CD8B: variants seen among roughly 807,000 people sequenced by gnomAD.
CD8B encodes T-cell surface glycoprotein CD8 beta chain.
A neutral mutation model predicts 24.2 loss-of-function variants in CD8B; 6 were observed. That is an observed-to-expected ratio of 0.25 (90% confidence interval 0.14 to 0.49). The LOEUF (loss-of-function observed/expected upper bound fraction) is 0.49. CD8B is among the 20% of genes least tolerant of loss of function. The pLI is 0.98. For missense variants in CD8B, 196 were observed against 271.3 expected, an observed-to-expected ratio of 0.72 and a Z score of 1.95; for synonymous variants, 84 against 108.3, an observed-to-expected ratio of 0.78 and a Z score of 1.39.
chr2:86,828,772 T>C (rs1674788716), intron 5 of CD8B, among the ~76,000 whole-genome samples: 1 of 152,206 alleles, frequency 6.6e-6, no homozygotes, highest in Non-Finnish European at 1.5e-5. Flanking sequence ...CCTCCAAAGA[T>C]GCAACCAGCA....
At chr2:86,851,660 G>T (rs1308788930) in intron 3 of CD8B, among the ~76,000 whole-genome samples, 2 of 152,182 alleles carry the variant, frequency 1.3e-5, no homozygotes, top group Non-Finnish European at 2.9e-5. Context: ...AAAGCAAACT[G>T]AGCAGTGCGA....
chr2:86,847,840 A>G (rs1675761829), intron 3 of CD8B, among the ~76,000 whole-genome samples: 1 of 152,232 alleles, frequency 6.6e-6, no homozygotes, highest in African/African-American at 2.4e-5. Context: ...TGCTGGGATT[A>G]CAGGTGTGAG....
chr2:86,851,896 G>A (rs976714445), intron 3 of CD8B, among the ~76,000 whole-genome samples: 5 of 152,216 alleles, frequency 3.3e-5, no homozygotes, highest in Admixed American at 3.3e-4. Context: ...AGAAGCAAAT[G>A]TGTTCATTTG....
chr2:86,860,322 A>G (rs1478602070), intron 1 of CD8B, among the ~76,000 whole-genome samples: 1 of 152,190 alleles, frequency 6.6e-6, no homozygotes, highest in Non-Finnish European at 1.5e-5. Context: ...CAAGAAGGAA[A>G]TGATGCCTGG....
intron 5 of CD8B, among the ~76,000 whole-genome samples, chr2:86,825,878 A>C (rs904926759): frequency 2.0e-5 from 3 of 152,218 alleles, no homozygotes; most frequent in Admixed American, 1.3e-4. Context: ...CTGCATGCTC[A>C]ACATGGTGTC....
intron 5 of CD8B, chr2:86,833,006 T>C: frequency 3.0e-6 from 1 of 335,248 alleles, no homozygotes; most frequent in Admixed American, 3.4e-5. Context: ...TCTCCTCTTC[T>C]CTCTCTCCCT....
chr2:86,848,701 A>ATTAATTATTTATTTATTTAATTTAT lies in CD8B; in HGVS notation c.494-1929_494-1928insATAAATTAAATAAATAAATAATTAA, dbSNP rs58311096. On this transcript the variant is annotated intron_variant, in intron 3 of 5. Coordinates refer to ENST00000390655, the MANE Select transcript of CD8B (RefSeq NM_004931.5). ...GGAAGAAAGGTATTGGTATTTTTAA[A>ATTAATTATTTATTTATTTAATTTAT]TTATTTATTTATTTATTTATTTATT... 8.5e-5 allele frequency among the ~76,000 whole-genome samples: 5 copies of ATTAATTATTTATTTATTTAATTTAT among 58,882 alleles called. 1 individual carries two copies. The East Asian group carries it at 2.5e-3, about 29-fold the overall frequency. 38.6% of individuals were successfully genotyped at this position (58,882 alleles called of 152,430 possible).
rs906300634 is a variant in CD8B, at chr2:86,840,491, A to G, written c.*1816T>C. 6.6e-6 allele frequency among the ~76,000 whole-genome samples: 1 copy of G among 152,220 alleles called. No homozygotes were observed. Among genetic ancestry groups the G allele is most frequent in the African/African-American group, 2.4e-5 (1 of 41,458 alleles). ...AAGCACGGGCCATCCCTTCATCCGC[A>G]TAGGGCGTCAATTCACCTCAGCCTT... On this transcript the variant is annotated 3_prime_UTR_variant, in exon 6 of 6. Coordinates refer to ENST00000390655, the MANE Select transcript of CD8B (RefSeq NM_004931.5).
chr2:86,827,504 G>A (rs888268948), intron 5 of CD8B, among the ~76,000 whole-genome samples: 10 of 151,860 alleles, frequency 6.6e-5, no homozygotes, highest in Admixed American at 6.6e-4. Flanking sequence ...TGTGCCTGTG[G>A]TCCCAGCTAC....
chr2:86,827,440 A>G (rs1424580817), intron 5 of CD8B, among the ~76,000 whole-genome samples: 2 of 151,938 alleles, frequency 1.3e-5, no homozygotes, highest in Non-Finnish European at 2.9e-5. Flanking sequence ...CCTGGCCAAC[A>G]TGGTGAAACC....
chr2:86,847,657 C>T (rs561530661), intron 3 of CD8B, among the ~76,000 whole-genome samples: 67 of 152,328 alleles, frequency 4.4e-4, no homozygotes, highest in South Asian at 2.3e-3. Flanking sequence ...CCTCCGCCTT[C>T]TGGGTTCAAG....
At chr2:86,855,474 A>G (rs1676188476) in intron 2 of CD8B, among the ~76,000 whole-genome samples, 1 of 152,248 alleles carries the variant, frequency 6.6e-6, no homozygotes. Context: ...AAAGTTAGAC[A>G]GCCACTGGCT....
At chr2:86,860,300 T>A (rs1397044147) in intron 1 of CD8B, among the ~76,000 whole-genome samples, 1 of 151,952 alleles carries the variant, frequency 6.6e-6, no homozygotes, top group African/African-American at 2.4e-5. Context: ...AAAATAAAAA[T>A]AAAAATAAAA....
intron 5 of CD8B, among the ~76,000 whole-genome samples, chr2:86,823,252 T>A (rs926597489): frequency 6.6e-6 from 1 of 152,124 alleles, no homozygotes; most frequent in Non-Finnish European, 1.5e-5. Context: ...TTTTGCACAA[T>A]CATTTTTTAA....
Position 86,838,658 on chromosome 2 carries a change from C to T in CD8B, c.*3649G>A, listed in dbSNP as rs1475460202. Among the ~76,000 whole-genome samples, 2 of 151,968 alleles carry T rather than the reference C, an allele frequency of 1.3e-5. No individual in the cohort carries two copies. Among genetic ancestry groups the T allele is most frequent in the African/African-American group, 2.4e-5 (1 of 41,346 alleles). On this transcript the variant is annotated 3_prime_UTR_variant, in exon 6 of 6. Transcript: ENST00000390655. ...GGACTACAGGCAAGCACCACCATGC[C>T]CAGAAAAAAATTTAAAAATTTTTTG...
intron 5 of CD8B, among the ~76,000 whole-genome samples, chr2:86,824,139 C>G (rs1674586652): frequency 6.6e-6 from 1 of 151,484 alleles, no homozygotes; most frequent in Admixed American, 6.6e-5. Flanking sequence ...GAAGGAGGCC[C>G]TGGGCTGTGG....
chr2:86,827,047 C>T (rs1450097659), intron 5 of CD8B, among the ~76,000 whole-genome samples: 1 of 152,060 alleles, frequency 6.6e-6, no homozygotes, highest in East Asian at 1.9e-4. Flanking sequence ...TCTCCAACTC[C>T]TGACCTCAGG....
At position 86,840,353 on chromosome 2, in the gene CD8B, C is replaced by A. The variant is rs1222568664; in HGVS notation, c.*1954G>T. 2.0e-5 allele frequency among the ~76,000 whole-genome samples: 3 copies of A among 152,202 alleles called. No individual in the cohort carries two copies. The highest frequency in any genetic ancestry group is 4.4e-5 in the Non-Finnish European group (3 of 68,050). ...AATTAACATACACCAAAAGGAAAAA[C>A]CCCATCTCCCCACACTGAGTAACCA... On this transcript the variant is annotated 3_prime_UTR_variant, in exon 6 of 6. Transcript: ENST00000390655.
intron 2 of CD8B, among the ~76,000 whole-genome samples, chr2:86,854,747 A>T (rs950442601): frequency 8.6e-5 from 13 of 152,026 alleles, no homozygotes; most frequent in African/African-American, 3.1e-4. Flanking sequence ...TTTTCTCCAA[A>T]ATGGTAGGAG....
Sources: allele counts gnomAD v4.1 joint callset (sites outside exome capture counted in the v4.1 genomes callset), GRCh38; gene constraint gnomAD v4.1.1; transcripts MANE v1.5; gene names NCBI Gene and HGNC (gene_info 2026-07-23, HGNC 2026-07-21).